The following JHY variants were observed in gnomAD, a reference collection of about 807,000 sequenced individuals.
JHY encodes the protein jhy protein homolog.
A neutral mutation model predicts 78.0 loss-of-function variants in JHY; 69 were observed. The observed-to-expected ratio is 0.88, with a 90% CI of 0.73 to 1.08. The LOEUF (loss-of-function observed/expected upper bound fraction) is 1.08. Among genes scored for constraint, JHY ranks in the 50% least tolerant of loss-of-function variants. The pLI is 0.00. For synonymous variants in JHY, 368 were observed against 342.6 expected (o/e 1.07, Z -0.82); for missense variants, 944 against 927.8 (o/e 1.02, Z -0.23).
chr11:122,952,407 T>C (rs1287247401), intron 6 of JHY, among the ~76,000 whole-genome samples: 1 of 152,186 alleles, frequency 6.6e-6, no homozygotes, highest in African/African-American at 2.4e-5. Flanking sequence ...CAACCTTAAG[T>C]AAATCCAAGA....
chr11:122,963,556 A>T lies in JHY; in HGVS notation c.*4111A>T, dbSNP rs907428825. ...AACTACCATAAAACTAAGGGGAGAG[A>T]TTTTGCAAAAACAGGGAGTGACAGA... On this transcript the variant is annotated 3_prime_UTR_variant, in exon 9 of 9. Transcript: ENST00000227349. Among the ~76,000 whole-genome samples the T allele has an allele frequency of 2.0e-5, 3 of 152,172 alleles. No individual in the cohort carries two copies. The highest frequency in any genetic ancestry group is 4.4e-5 in the Non-Finnish European group (3 of 68,018).
At chr11:122,946,924 A>C (rs1863977968) in intron 6 of JHY, 132 bp downstream of exon 6, 1 of 1,097,380 alleles carries the variant, frequency 9.1e-7, no homozygotes, top group African/African-American at 1.6e-5. Flanking sequence ...CCAGAGTCCT[A>C]AGGAGTTTCT....
chr11:122,911,582 C>T (rs1165242370), intron 3 of JHY, among the ~76,000 whole-genome samples: 1 of 152,036 alleles, frequency 6.6e-6, no homozygotes, highest in South Asian at 2.1e-4. Context: ...ACTGATAATA[C>T]CTCAAAAGAG....
At position 122,960,889 on chromosome 11, in the gene JHY, T is replaced by C; in HGVS notation, c.*1444T>C. ...GTGGAGGTTACTTACTGGGAATGAC[T>C]GCATAGAGTGTATAAGGAAGTAAAG... On this transcript the variant is annotated 3_prime_UTR_variant, in exon 9 of 9. Coordinates refer to ENST00000227349, the MANE Select transcript of JHY (RefSeq NM_024806.4). The C allele has an allele frequency of 2.9e-6, 2 of 689,852 alleles. No individual in the cohort carries two copies. Among genetic ancestry groups the C allele is most frequent in the South Asian group, 2.7e-5 (2 of 73,266 alleles). 42.7% of individuals were successfully genotyped at this position (689,852 alleles called of 1,614,324 possible).
intron 2 of JHY, among the ~76,000 whole-genome samples, chr11:122,890,059 T>G (rs1591367282): frequency 3.5e-5 from 1 of 28,604 alleles, no homozygotes; most frequent in African/African-American, 8.7e-5. Context: ...AGTTTCTTGT[T>G]TTTTTTTTTC....
At chr11:122,915,115 A>G (rs1238451617) in intron 3 of JHY, among the ~76,000 whole-genome samples, 1 of 152,198 alleles carries the variant, frequency 6.6e-6, no homozygotes, top group African/African-American at 2.4e-5. Flanking sequence ...ATAAATTTCT[A>G]TCATTTTTAA....
At chr11:122,953,462 C>G (rs1049737860) in intron 6 of JHY, among the ~76,000 whole-genome samples, 7 of 151,942 alleles carry the variant, frequency 4.6e-5, no homozygotes, top group Admixed American at 6.6e-5. Flanking sequence ...ATTAGACAGA[C>G]ATGGTGGCAG....
At chr11:122,943,430 C>T (rs1321627637) in intron 5 of JHY, among the ~76,000 whole-genome samples, 1 of 152,116 alleles carries the variant, frequency 6.6e-6, no homozygotes, top group East Asian at 1.9e-4. Flanking sequence ...TTGTTGATTA[C>T]ATCATTCTAT....
intron 2 of JHY, among the ~76,000 whole-genome samples, chr11:122,896,280 T>C (rs1862738157): frequency 6.8e-6 from 1 of 147,622 alleles, no homozygotes; most frequent in Non-Finnish European, 1.5e-5. Context: ...GTGGCTGAGG[T>C]TGCAGTGAGC....
chr11:122,929,936 C>T (rs1220177144), intron 4 of JHY, among the ~76,000 whole-genome samples: 3 of 152,084 alleles, frequency 2.0e-5, no homozygotes, highest in African/African-American at 7.2e-5. Context: ...TTATTGGTGG[C>T]CTGAACAGAG....
chr11:122,892,512 C>T (rs1862643677), intron 2 of JHY, among the ~76,000 whole-genome samples: 1 of 152,024 alleles, frequency 6.6e-6, no homozygotes, highest in East Asian at 1.9e-4. Context: ...TTAGTAGAGA[C>T]AGGGTTTCAC....
chr11:122,910,811 T>C (rs949661965), intron 3 of JHY, among the ~76,000 whole-genome samples: 1 of 152,208 alleles, frequency 6.6e-6, no homozygotes, highest in African/African-American at 2.4e-5. Flanking sequence ...AGGGTAGAAC[T>C]ATTGATTTTT....
At chr11:122,905,073 A>T in intron 3 of JHY, 1 of 933,090 alleles carries the variant, frequency 1.1e-6, no homozygotes, top group Non-Finnish European at 1.7e-6. Context: ...AAATCACATC[A>T]TTTGTTATTG....
intron 3 of JHY, among the ~76,000 whole-genome samples, chr11:122,910,081 T>C (rs990204805): frequency 1.1e-4 from 17 of 150,956 alleles, no homozygotes; most frequent in Non-Finnish European, 2.4e-4. Context: ...TAGAGTACAC[T>C]GCAGCTGTTA....
chr11:122,944,844 A>G (rs1565334512), intron 5 of JHY, among the ~76,000 whole-genome samples: 1 of 152,114 alleles, frequency 6.6e-6, no homozygotes, highest in Admixed American at 6.5e-5. Context: ...ATTGCTTTGA[A>G]AAGTCTTTTG....
chr11:122,937,128 T>A (rs1270125341), intron 5 of JHY, among the ~76,000 whole-genome samples: 3 of 152,172 alleles, frequency 2.0e-5, no homozygotes, highest in South Asian at 2.1e-4. Flanking sequence ...CTAGGAAAAA[T>A]TTTCCTTTTA....
chr11:122,895,857 T>A (rs1016808451), intron 2 of JHY, among the ~76,000 whole-genome samples: 3 of 152,196 alleles, frequency 2.0e-5, no homozygotes, highest in African/African-American at 7.2e-5. Flanking sequence ...CTCAGTACAA[T>A]GGGGTTCTTC....
At chr11:122,887,821 G>A (rs182801334) in intron 2 of JHY, among the ~76,000 whole-genome samples, 118 of 152,176 alleles carry the variant, frequency 7.8e-4, no homozygotes, top group Admixed American at 2.0e-3. Flanking sequence ...CTGAGTAGGG[G>A]TCTGATTATA....
At chr11:122,944,182 C>A (rs73606720) in intron 5 of JHY, among the ~76,000 whole-genome samples, 1 of 152,038 alleles carries the variant, frequency 6.6e-6, no homozygotes, top group South Asian at 2.1e-4. Context: ...GGGTGATAAA[C>A]TGAGACGATG....
Sources: gnomAD v4.1 joint callset for allele counts (sites outside exome capture counted in the v4.1 genomes callset) on GRCh38, gnomAD v4.1.1 for gene constraint, MANE v1.5 for transcripts, NCBI Gene and HGNC (gene_info 2026-07-23, HGNC 2026-07-21) for gene names.